PUM1: variants seen among roughly 807,000 people sequenced by gnomAD.
PUM1 encodes pumilio homolog 1.
Under a neutral mutation model 131.8 loss-of-function variants are expected in PUM1, and 13 were observed. The ratio of observed to expected loss-of-function variants is 0.10; its 90% CI spans 0.06 to 0.16. The LOEUF is 0.16. Among genes scored for constraint, PUM1 ranks in the 10% least tolerant of loss-of-function variants. PUM1 has a pLI of 1.00. For missense variants in PUM1, 961 were observed against 1,512.4 expected, an observed-to-expected ratio of 0.64 and a Z score of 6.05; for synonymous variants, 509 against 556.5, an observed-to-expected ratio of 0.91 and a Z score of 1.20.
intron 10 of PUM1, among the ~76,000 whole-genome samples, chr1:30,970,591 A>G (rs886474318): frequency 7.2e-5 from 11 of 152,222 alleles, no homozygotes; most frequent in African/African-American, 2.7e-4. Flanking sequence ...CTACGTAGAT[A>G]GAAGAGTCGG....
rs185774916 is a variant in PUM1 at position 30,995,023 on chromosome 1, T to C, written c.887+31A>G. ...AACAAACAAAATCCCATAGCCCATATTCAAAAATCAGAAGTGTAAAACATA... is the reference window on the plus strand; with the variant it reads ...AACAAACAAAATCCCATAGCCCATACTCAAAAATCAGAAGTGTAAAACATA... On this transcript the variant is annotated intron_variant, in intron 6 of 21. Transcript: ENST00000426105. The C allele has an allele frequency of 2.7e-5, 43 of 1,591,546 alleles. 1 individual carries two copies. The Admixed American group carries it at 3.7e-4, about 14-fold the overall frequency.
At chr1:30,952,152 T>C in intron 16 of PUM1, 82 bp downstream of exon 16, 1 of 1,372,886 alleles carries the variant, frequency 7.3e-7, no homozygotes, top group Non-Finnish European at 1.0e-6. Context: ...GGAATGGGAC[T>C]GCTATGCTTA....
rs1643668374 is a variant in PUM1 at position 31,037,955 on chromosome 1, T to C, written c.364-9091A>G. 4.0e-5 allele frequency among the ~76,000 whole-genome samples: 6 copies of C among 151,860 alleles called. No individual in the cohort carries two copies. The South Asian group carries it at 1.2e-3, about 32-fold the overall frequency. ...TTAGCCAGGCGTGGTGGCAGGGGCCTGTAGTCCCAGCTACTTGGGAGGCTG... is the reference window on the plus strand; with the variant it reads ...TTAGCCAGGCGTGGTGGCAGGGGCCCGTAGTCCCAGCTACTTGGGAGGCTG... On this transcript the variant is annotated intron_variant, in intron 2 of 21. Transcript: ENST00000426105.
At chr1:31,014,558 C>T (rs1468394203) in intron 3 of PUM1, among the ~76,000 whole-genome samples, 1 of 151,494 alleles carries the variant, frequency 6.6e-6, no homozygotes, top group Admixed American at 6.6e-5. Flanking sequence ...GAGGCTGAGG[C>T]GGGCGGATTG....
chr1:30,963,779 A>T (rs1458035302), intron 14 of PUM1, among the ~76,000 whole-genome samples: 2 of 152,234 alleles, frequency 1.3e-5, no homozygotes, highest in Non-Finnish European at 2.9e-5. Context: ...TAGGCCTATC[A>T]TCACCAAGTA....
intron 2 of PUM1, among the ~76,000 whole-genome samples, chr1:31,042,484 G>C (rs1643853640): frequency 1.3e-5 from 2 of 152,092 alleles, no homozygotes; most frequent in African/African-American, 4.8e-5. Flanking sequence ...GGGGAAAAAA[G>C]CTAAATAATT....
intron 21 of PUM1, among the ~76,000 whole-genome samples, 182 bp from the exon 22 acceptor site, chr1:30,933,524 C>G (rs917074586): frequency 2.0e-5 from 3 of 151,930 alleles, no homozygotes; most frequent in Non-Finnish European, 4.4e-5. Flanking sequence ...GCCCAGTCCC[C>G]TGACTTCTAG....
chr1:30,960,917 C>T (rs1014471818), intron 14 of PUM1, among the ~76,000 whole-genome samples: 26 of 151,582 alleles, frequency 1.7e-4, no homozygotes, highest in African/African-American at 6.3e-4. Flanking sequence ...ATTCCAAAAC[C>T]AAGATAAACT....
intron 1 of PUM1, among the ~76,000 whole-genome samples, chr1:31,062,166 C>G (rs1284292199): frequency 1.3e-5 from 2 of 152,206 alleles, no homozygotes; most frequent in Non-Finnish European, 2.9e-5. Flanking sequence ...TAACCCCTTG[C>G]AGGAGTAACT....
At chr1:30,951,339 T>C (rs1366814801) in intron 16 of PUM1, among the ~76,000 whole-genome samples, 1 of 152,246 alleles carries the variant, frequency 6.6e-6, no homozygotes, top group Non-Finnish European at 1.5e-5. Context: ...TTAGATTGGT[T>C]TCTTAGTCCA....
At chr1:31,031,635 T>C (rs1374368378) in intron 2 of PUM1, among the ~76,000 whole-genome samples, 1 of 152,172 alleles carries the variant, frequency 6.6e-6, no homozygotes, top group Non-Finnish European at 1.5e-5. Flanking sequence ...CAAAGGAAGT[T>C]TCCACCTCCA....
chr1:31,035,607 C>A (rs1023034683), intron 2 of PUM1, among the ~76,000 whole-genome samples: 1 of 151,664 alleles, frequency 6.6e-6, no homozygotes, highest in African/African-American at 2.4e-5. Context: ...CAAAATTAGC[C>A]GGGCATGGTG....
intron 2 of PUM1, among the ~76,000 whole-genome samples, chr1:31,038,984 A>ATATATATATATATATATT: frequency 3.2e-4 from 16 of 49,398 alleles, no homozygotes; most frequent in African/African-American, 6.2e-4. Context: ...ATATATATAT[A>ATATATATATATATATATT]TTTTTTTTTT....
chr1:31,055,275 CCAG>C, intron 2 of PUM1: 2 of 451,624 alleles, frequency 4.4e-6, no homozygotes, highest in East Asian at 7.0e-5. Context: ...CATGTGTTTC[CCAG>C]CAGGATGACT....
rs961179559 is a variant in PUM1, at chr1:30,992,301, C to A, written c.1158+89G>T. 2.6e-6 allele frequency: 4 copies of A among 1,519,538 alleles called. No homozygotes were observed. In the African/African-American group the frequency reaches 5.5e-5, roughly 21 times the overall value. 94.1% of individuals were successfully genotyped at this position (1,519,538 alleles called of 1,614,324 possible). On this transcript the variant is annotated intron_variant, in intron 7 of 21. Coordinates refer to ENST00000426105, the MANE Select transcript of PUM1 (RefSeq NM_001020658.2). ...CTATGGATAGCCTGAAACAATGCCA[C>A]CACCTCCCCCATCCCCCCATTCTTA...
intron 2 of PUM1, among the ~76,000 whole-genome samples, chr1:31,051,380 C>T (rs1307571002): frequency 3.3e-5 from 5 of 151,722 alleles, no homozygotes; most frequent in African/African-American, 9.7e-5. Context: ...CTCGGCTCAC[C>T]GCAAACTCTG....
chr1:31,018,630 C>G (rs969561860), intron 3 of PUM1, among the ~76,000 whole-genome samples: 1 of 152,134 alleles, frequency 6.6e-6, no homozygotes, highest in Admixed American at 6.5e-5. Context: ...CGTAATCCAG[C>G]CTGGGTGACA....
intron 7 of PUM1, among the ~76,000 whole-genome samples, chr1:30,991,221 C>T (rs1179619799): frequency 6.6e-6 from 1 of 152,090 alleles, no homozygotes; most frequent in African/African-American, 2.4e-5. Flanking sequence ...CACAGAGAGT[C>T]AATTCATATG....
At chr1:30,965,349 C>T (rs1640576530) in intron 13 of PUM1, among the ~76,000 whole-genome samples, 1 of 152,086 alleles carries the variant, frequency 6.6e-6, no homozygotes, top group Non-Finnish European at 1.5e-5. Flanking sequence ...TGGGTTCAAT[C>T]GAGAGTTAAT....
Sources: allele counts gnomAD v4.1 joint callset (sites outside exome capture counted in the v4.1 genomes callset), GRCh38; gene constraint gnomAD v4.1.1; transcripts MANE v1.5; gene names NCBI Gene and HGNC (gene_info 2026-07-23, HGNC 2026-07-21).